Variants in CTNNA2 observed in about 807,000 individuals in gnomAD.
CTNNA2 encodes the protein catenin alpha 2, also known as catenin alpha-2.
A neutral mutation model predicts 101.0 loss-of-function variants in CTNNA2; 42 were observed. The observed-to-expected ratio is 0.42, with a 90% CI of 0.32 to 0.54. CTNNA2 has a LOEUF of 0.54. Ranked by LOEUF, CTNNA2 falls within the 20% of genes least tolerant of loss-of-function variation. CTNNA2 has a pLI of 0.14. For synonymous variants in CTNNA2, 450 were observed against 456.4 expected, an observed-to-expected ratio of 0.99 and a Z score of 0.18; for missense variants, 871 against 1,223.1, an observed-to-expected ratio of 0.71 and a Z score of 4.29.
At chr2:80,554,294 T>C (rs548148661) in intron 11 of CTNNA2, among the ~76,000 whole-genome samples, 2 of 152,310 alleles carry the variant, frequency 1.3e-5, no homozygotes, top group South Asian at 4.1e-4. Context: ...CTTAAAGAGG[T>C]AATATTTTAT....
intron 7 of CTNNA2, among the ~76,000 whole-genome samples, chr2:80,368,127 A>G (rs1239257647): frequency 6.6e-6 from 1 of 152,194 alleles, no homozygotes; most frequent in Non-Finnish European, 1.5e-5. Context: ...GGCCATATCA[A>G]TGTCATACAC....
At chr2:79,305,649 G>A (rs1676222602) in intron 2 of CTNNA2, among the ~76,000 whole-genome samples, 1 of 151,924 alleles carries the variant, frequency 6.6e-6, no homozygotes, top group Non-Finnish European at 1.5e-5. Context: ...ACCTACCAAT[G>A]TTGACATCTC....
At chr2:80,246,503 A>T (rs1023514080) in intron 7 of CTNNA2, among the ~76,000 whole-genome samples, 4 of 152,238 alleles carry the variant, frequency 2.6e-5, no homozygotes, top group African/African-American at 9.6e-5. Flanking sequence ...TAATCAGAGC[A>T]TTGGATGTAG....
intron 8 of CTNNA2, among the ~76,000 whole-genome samples, chr2:80,416,314 C>T (rs1573988133): frequency 6.6e-6 from 1 of 152,100 alleles, no homozygotes; most frequent in East Asian, 1.9e-4. Context: ...GTATGTTTAT[C>T]AAATCATCAT....
intron 1 of CTNNA2, among the ~76,000 whole-genome samples, chr2:79,538,987 G>A (rs899553713): frequency 1.3e-5 from 2 of 152,198 alleles, no homozygotes; most frequent in African/African-American, 4.8e-5. Context: ...ACCTAGAGAA[G>A]TGATCTGCTT....
At chr2:80,408,092 A>C (rs1214236794) in intron 8 of CTNNA2, among the ~76,000 whole-genome samples, 1 of 152,192 alleles carries the variant, frequency 6.6e-6, no homozygotes, top group East Asian at 1.9e-4. Flanking sequence ...ACAGCATCTT[A>C]TTCCCCCAAG....
chr2:80,192,845 C>G (rs1706599065), intron 7 of CTNNA2, among the ~76,000 whole-genome samples: 1 of 152,184 alleles, frequency 6.6e-6, no homozygotes, highest in South Asian at 2.1e-4. Context: ...GAATCCAACT[C>G]TTTGTTACCC....
intron 7 of CTNNA2, among the ~76,000 whole-genome samples, chr2:80,098,900 C>A (rs1339040945): frequency 6.6e-6 from 1 of 152,128 alleles, no homozygotes; most frequent in Non-Finnish European, 1.5e-5. Context: ...CAGATGCCAT[C>A]TGTCACCCCT....
intron 18 of CTNNA2, among the ~76,000 whole-genome samples, chr2:80,639,661 G>A (rs547088289): frequency 6.6e-6 from 1 of 152,078 alleles, no homozygotes; most frequent in African/African-American, 2.4e-5. Flanking sequence ...TCCCCAAAAT[G>A]TTTTGCATTT....
chr2:80,068,288 A>C (rs1398287791), intron 7 of CTNNA2, among the ~76,000 whole-genome samples: 2 of 152,172 alleles, frequency 1.3e-5, no homozygotes, highest in Admixed American at 6.5e-5. Flanking sequence ...AATGGAGTGC[A>C]CTAAGTGCTT....
chr2:79,593,085 A>G (rs547574028), intron 1 of CTNNA2, among the ~76,000 whole-genome samples: 4 of 152,332 alleles, frequency 2.6e-5, no homozygotes, highest in East Asian at 1.9e-4. Flanking sequence ...ATGGAATTAT[A>G]TATATATTTT....
chr2:79,619,065 G>T (rs564992282), intron 1 of CTNNA2, among the ~76,000 whole-genome samples: 4 of 152,302 alleles, frequency 2.6e-5, no homozygotes, highest in Non-Finnish European at 5.9e-5. Context: ...AATTAGCTGG[G>T]CGTGGTGGCG....
At chr2:79,232,579 C>T (rs1467154329) in intron 2 of CTNNA2, among the ~76,000 whole-genome samples, 1 of 152,170 alleles carries the variant, frequency 6.6e-6, no homozygotes, top group East Asian at 1.9e-4. Flanking sequence ...AAACCCCTCC[C>T]TATCAACTTT....
At chr2:79,755,182 T>C (rs1441702901) in intron 3 of CTNNA2, among the ~76,000 whole-genome samples, 3 of 151,944 alleles carry the variant, frequency 2.0e-5, no homozygotes, top group African/African-American at 4.8e-5. Context: ...AATAAAATAA[T>C]GAGCTGGGCA....
At chr2:79,851,496 T>A (rs1680700735) in intron 3 of CTNNA2, among the ~76,000 whole-genome samples, 1 of 152,186 alleles carries the variant, frequency 6.6e-6, no homozygotes, top group South Asian at 2.1e-4. Context: ...GAACCTGTGG[T>A]CAGTTTCCCT....
chr2:79,653,139 C>G (rs1378703115), intron 2 of CTNNA2, among the ~76,000 whole-genome samples: 1 of 152,164 alleles, frequency 6.6e-6, no homozygotes, highest in Non-Finnish European at 1.5e-5. Context: ...TAGAAATCTA[C>G]ATGGGAAAAT....
chr2:79,763,445 G>T (rs1240671726), intron 3 of CTNNA2, among the ~76,000 whole-genome samples: 2 of 151,908 alleles, frequency 1.3e-5, no homozygotes, highest in Non-Finnish European at 2.9e-5. Context: ...CTGTTTTGGT[G>T]TTTATGATTT....
chr2:80,060,670 C>T (rs1697526171), intron 7 of CTNNA2, among the ~76,000 whole-genome samples: 1 of 151,946 alleles, frequency 6.6e-6, no homozygotes, highest in South Asian at 2.1e-4. Flanking sequence ...TTCTATTGAC[C>T]TGGAATGCTC....
At chr2:79,554,024 C>T (rs1674285205) in intron 1 of CTNNA2, among the ~76,000 whole-genome samples, 1 of 152,124 alleles carries the variant, frequency 6.6e-6, no homozygotes, top group Non-Finnish European at 1.5e-5. Flanking sequence ...TTTTGTTTTC[C>T]TTTCACACTA....
Sources: allele counts gnomAD v4.1 joint callset (sites outside exome capture counted in the v4.1 genomes callset), GRCh38; gene constraint gnomAD v4.1.1; transcripts MANE v1.5; gene names NCBI Gene and HGNC (gene_info 2026-07-23, HGNC 2026-07-21).